The following DDX42 variants were observed in gnomAD, a reference collection of about 807,000 sequenced individuals.
The protein encoded by DDX42 is DEAD-box helicase 42, also known as ATP-dependent RNA helicase DDX42.
DDX42 carries 22 observed loss-of-function variants against 101.5 expected under a neutral mutation model. The ratio of observed to expected loss-of-function variants is 0.22; its 90% CI spans 0.15 to 0.31. The LOEUF (loss-of-function observed/expected upper bound fraction) is 0.31, where lower values mean the gene tolerates loss of function less well. Ranked by LOEUF, DDX42 falls within the 10% of genes least tolerant of loss-of-function variation. The pLI is 1.00. For missense variants in DDX42, 849 were observed against 1,199.9 expected (o/e 0.71, Z 4.32); for synonymous variants, 402 against 401.2 (o/e 1.00, Z -0.02).
At position 63,812,087 on chromosome 17, in the gene DDX42, T is replaced by G. The variant is rs763977010; in HGVS notation, c.1554T>G (p.Leu518=). 1 of 1,614,222 alleles carries G rather than the reference T, an allele frequency of 6.2e-7. No homozygotes were observed. The highest frequency in any genetic ancestry group is 1.1e-5 in the South Asian group (1 of 91,092). The change falls in exon 14 of 18, where the codon CTT becomes CTG. Residue 518 remains leucine (L), a synonymous_variant. Coordinates refer to ENST00000389924, the MANE Select transcript of DDX42 (RefSeq NM_203499.3). ...KANAEELANN[L]KQEGHNLGLL... ...ATGCTGAAGAGCTAGCGAATAACCT[T>G]AAACAGGAGGGTCATAATCTTGGGC...
At chr17:63,800,430 G>T (rs780002476) in intron 5 of DDX42, 38 bp from the exon 6 acceptor site, 5 of 1,600,718 alleles carry the variant, frequency 3.1e-6, no homozygotes, top group Non-Finnish European at 3.4e-6. Context: ...ATTCTCAATT[G>T]TACTTGGGTG....
At chr17:63,795,085 G>A (rs1178227837) in intron 3 of DDX42, among the ~76,000 whole-genome samples, 3 of 152,060 alleles carry the variant, frequency 2.0e-5, no homozygotes, top group African/African-American at 7.2e-5. Flanking sequence ...GTTTTTGTTT[G>A]GCCTAGACAT....
chr17:63,815,349 A>C (rs1314448933), intron 15 of DDX42, among the ~76,000 whole-genome samples: 1 of 152,184 alleles, frequency 6.6e-6, no homozygotes, highest in Non-Finnish European at 1.5e-5. Context: ...AGGAAGCCTT[A>C]GATAAGGATC....
At chr17:63,791,950 G>A (rs2039633197) in intron 2 of DDX42, among the ~76,000 whole-genome samples, 1 of 152,018 alleles carries the variant, frequency 6.6e-6, no homozygotes, top group Non-Finnish European at 1.5e-5. Flanking sequence ...GGGAGGGCAA[G>A]GCAGGAGAAT....
intron 8 of DDX42, 101 bp from the exon 9 acceptor site, chr17:63,807,623 C>A: frequency 8.8e-7 from 1 of 1,132,200 alleles, no homozygotes; most frequent in Non-Finnish European, 1.3e-6. Flanking sequence ...TGTTCCATTG[C>A]AAATAAAAAT....
chr17:63,796,761 A>G (rs2039698106), intron 3 of DDX42, among the ~76,000 whole-genome samples: 1 of 152,204 alleles, frequency 6.6e-6, no homozygotes, highest in Admixed American at 6.5e-5. Flanking sequence ...CTTATGTTAC[A>G]TTGCTTATGT....
chr17:63,791,744 T>C (rs1225409056), intron 2 of DDX42, among the ~76,000 whole-genome samples: 1 of 152,220 alleles, frequency 6.6e-6, no homozygotes, highest in African/African-American at 2.4e-5. Context: ...GGATTTCTAA[T>C]GTTTCAGTAA....
At chr17:63,783,821 G>A (rs954451613) in intron 1 of DDX42, among the ~76,000 whole-genome samples, 2 of 152,032 alleles carry the variant, frequency 1.3e-5, no homozygotes, top group African/African-American at 2.4e-5. Context: ...CCAGCACTTC[G>A]GGAGGCCAAG....
chr17:63,786,969 C>T lies in DDX42; in HGVS notation c.-16-65C>T. 3.2e-6 allele frequency: 5 copies of T among 1,556,128 alleles called. No individual in the cohort carries two copies. The South Asian group carries it at 4.7e-5, about 15-fold the overall frequency. On this transcript the variant is annotated intron_variant, in intron 1 of 17. Coordinates refer to ENST00000389924, the MANE Select transcript of DDX42 (RefSeq NM_203499.3). ...GGGATTACAGGCGTGACCCACCGCG[C>T]CCGGCCCTTGGGGCTATACACTTTT... is the stretch of plus-strand genomic sequence containing the variant.
At position 63,817,777 on chromosome 17, in the gene DDX42, T is replaced by G; in HGVS notation, c.2196T>G (p.Thr732=). 2 of 1,614,238 alleles carry G rather than the reference T, an allele frequency of 1.2e-6. No homozygotes were observed. The highest frequency in any genetic ancestry group is 1.7e-6 in the Non-Finnish European group (2 of 1,180,040). Residue 732 remains threonine (T), a synonymous_variant, in exon 18 of 18, where the codon ACT becomes ACG. Transcript: ENST00000389924. Reference sequence around the variant, plus strand: ...CTGCTGCTGGGGCAAGTGGGTGGACTAGTGCAGGGAGCTTGAATTCTGTTC... The same window carrying G: ...CTGCTGCTGGGGCAAGTGGGTGGACGAGTGCAGGGAGCTTGAATTCTGTTC... The part of the protein sequence containing the change: ...GSSAAGASGW[T]SAGSLNSVPT...
rs1361806459 is a variant in DDX42 at position 63,817,749 on chromosome 17, G to C, written c.2168G>C (p.Ser723Thr). 1.9e-6 allele frequency: 3 copies of C among 1,614,250 alleles called. No homozygotes were observed. The highest frequency in any genetic ancestry group is 4.5e-5 in the East Asian group (2 of 44,886). The change falls in exon 18 of 18, where the codon AGT (serine) becomes ACT (threonine). Residue 723 changes from serine (S) to threonine (T), a missense_variant. By Grantham distance (58) the Ser-to-Thr change is moderately conservative. Coordinates refer to ENST00000389924, the MANE Select transcript of DDX42 (RefSeq NM_203499.3). ...AASLSNQKAG[S>T]SAAGASGWTS... ...AGTTTAAGTAATCAGAAGGCTGGAA[G>C]TTCTGCTGCTGGGGCAAGTGGGTGG...
At chr17:63,805,216 A>T in intron 7 of DDX42, 41 bp downstream of exon 7, 2 of 1,592,078 alleles carry the variant, frequency 1.3e-6, no homozygotes, top group Non-Finnish European at 1.7e-6. Context: ...ATTAATGTTA[A>T]TTAGTCCAGA....
chr17:63,797,352 C>CAAAAAA (rs59892636), intron 3 of DDX42, among the ~76,000 whole-genome samples: 27 of 99,820 alleles, frequency 2.7e-4, no homozygotes, highest in East Asian at 9.3e-4. Context: ...AACTCCATCT[C>CAAAAAA]AAAAAAAAAA....
intron 3 of DDX42, among the ~76,000 whole-genome samples, chr17:63,793,259 T>TC (rs1567734840): frequency 6.6e-6 from 1 of 152,016 alleles, no homozygotes; most frequent in Non-Finnish European, 1.5e-5. Context: ...CTCTTTTTTT[T>TC]TTTCTTTCTT....
intron 8 of DDX42, among the ~76,000 whole-genome samples, chr17:63,806,855 T>C (rs1282797855): frequency 6.6e-6 from 1 of 152,208 alleles, no homozygotes. Flanking sequence ...AAATATGATA[T>C]GAAGAAAATA....
intron 1 of DDX42, among the ~76,000 whole-genome samples, chr17:63,786,675 A>G (rs1314441977): frequency 2.0e-5 from 3 of 151,798 alleles, no homozygotes; most frequent in Non-Finnish European, 2.9e-5. Flanking sequence ...CAGTGGGGCT[A>G]TATACTTCTT....
chr17:63,788,313 T>A (rs1463781051), intron 2 of DDX42, among the ~76,000 whole-genome samples: 1 of 146,814 alleles, frequency 6.8e-6, no homozygotes, highest in Non-Finnish European at 1.5e-5. Context: ...TCTGAGTCTT[T>A]TTTTTTTTTT....
intron 8 of DDX42, among the ~76,000 whole-genome samples, chr17:63,807,421 G>A (rs939927447): frequency 2.0e-5 from 3 of 152,234 alleles, no homozygotes; most frequent in South Asian, 2.1e-4. Context: ...GATTACAGGC[G>A]TGAGCCACTG....
chr17:63,799,174 G>A (rs1340557066), intron 4 of DDX42, among the ~76,000 whole-genome samples: 2 of 152,046 alleles, frequency 1.3e-5, no homozygotes, highest in African/African-American at 2.4e-5. Context: ...AGAAACTTTG[G>A]GGACAATAAG....
Sources: gnomAD v4.1 joint callset for allele counts (sites outside exome capture counted in the v4.1 genomes callset) on GRCh38, gnomAD v4.1.1 for gene constraint, MANE v1.5 for transcripts, NCBI Gene and HGNC (gene_info 2026-07-23, HGNC 2026-07-21) for gene names.